TET3: variants seen among roughly 807,000 people sequenced by gnomAD.
TET3 encodes the protein methylcytosine dioxygenase TET3.
In TET3, 19 loss-of-function variants were observed where a neutral mutation model predicts 141.4. The ratio of observed to expected loss-of-function variants is 0.13; its 90% CI spans 0.09 to 0.20. The LOEUF is 0.20. TET3 is among the 10% of genes least tolerant of loss of function. The probability of loss-of-function intolerance (pLI) is 1.00; values close to 1 mark genes in which losing one functional copy is unlikely to be tolerated. For missense variants in TET3, 1,874 were observed against 2,356.9 expected (o/e 0.80, Z 4.24); for synonymous variants, 1,043 against 980.9 (o/e 1.06, Z -1.18).
chr2:73,986,817 C>A, intron 2 of TET3, 111 bp downstream of exon 2: 1 of 1,026,964 alleles, frequency 9.7e-7, no homozygotes, highest in Non-Finnish European at 1.2e-6. Flanking sequence ...CATTTCTGAT[C>A]CTCTTGGTCC....
chr2:74,076,076 A>T (rs3902790), intron 5 of TET3, among the ~76,000 whole-genome samples: 51,011 of 152,016 alleles, frequency 0.34, 9,608 homozygotes, highest in African/African-American at 0.51. Context: ...CAGCTCTCTT[A>T]AACAACTTTT....
At chr2:74,070,524 G>C (rs989417188) in intron 4 of TET3, among the ~76,000 whole-genome samples, 7 of 152,300 alleles carry the variant, frequency 4.6e-5, no homozygotes, top group Admixed American at 2.6e-4. Context: ...TCTGCGCTGT[G>C]CTGCTTTCAC....
chr2:74,045,395 C>T (rs1573774136), intron 3 of TET3, among the ~76,000 whole-genome samples: 1 of 152,216 alleles, frequency 6.6e-6, no homozygotes, highest in East Asian at 1.9e-4. Context: ...TCTGTGTTTT[C>T]TCTTAGCATT....
intron 4 of TET3, among the ~76,000 whole-genome samples, chr2:74,060,002 T>C (rs892059758): frequency 7.9e-5 from 12 of 152,344 alleles, no homozygotes; most frequent in African/African-American, 2.9e-4. Context: ...CTTATACCTG[T>C]CTCTTGGTGC....
chr2:74,076,970 G>C (rs1319063875), intron 5 of TET3, among the ~76,000 whole-genome samples: 1 of 152,172 alleles, frequency 6.6e-6, no homozygotes, highest in East Asian at 1.9e-4. Flanking sequence ...ATACTTTGTG[G>C]GTACCTAGGT....
At chr2:74,018,207 T>TG (rs1685838649) in intron 3 of TET3, among the ~76,000 whole-genome samples, 2 of 152,282 alleles carry the variant, frequency 1.3e-5, no homozygotes, top group South Asian at 4.1e-4. Context: ...CCTCAAGTGA[T>TG]CGGCCTGCCT....
chr2:74,129,339 A>AC, the TET3 span, among the ~76,000 whole-genome samples: 1 of 149,306 alleles, frequency 6.7e-6, no homozygotes, highest in Non-Finnish European at 1.5e-5. Context: ...AAAAAAAAAA[A>AC]AAAAAAAACC....
intron 10 of TET3, among the ~76,000 whole-genome samples, chr2:74,094,433 G>A (rs913638022): frequency 1.3e-5 from 2 of 152,230 alleles, no homozygotes; most frequent in Non-Finnish European, 2.9e-5. Context: ...GGCCAGGGGA[G>A]GGTTGCGGGG....
At chr2:74,001,984 T>C (rs891497742) in intron 2 of TET3, among the ~76,000 whole-genome samples, 1 of 150,796 alleles carries the variant, frequency 6.6e-6, no homozygotes, top group African/African-American at 2.4e-5. Flanking sequence ...TAGAGTGAGG[T>C]GTGGGTGTTT....
chr2:74,043,294 C>T (rs998121340), intron 3 of TET3, among the ~76,000 whole-genome samples: 15 of 152,214 alleles, frequency 9.9e-5, no homozygotes, highest in Admixed American at 8.5e-4. Context: ...AAAGTAGTCT[C>T]CCACTGGGGT....
chr2:74,061,761 G>T (rs551359623), intron 4 of TET3, among the ~76,000 whole-genome samples: 1 of 145,332 alleles, frequency 6.9e-6, no homozygotes, highest in African/African-American at 2.6e-5. Context: ...GGGCAGAGAC[G>T]CTCCTCACCT....
At chr2:74,053,151 G>C (rs1688038376) in intron 4 of TET3, among the ~76,000 whole-genome samples, 1 of 152,176 alleles carries the variant, frequency 6.6e-6, no homozygotes, top group African/African-American at 2.4e-5. Context: ...GATGTTTGCA[G>C]CTTTGAGAAT....
Position 73,986,716 on chromosome 2 carries a change from C to A in TET3, c.303+10C>A, listed in dbSNP as rs1558686985. On this transcript the variant is annotated intron_variant, in intron 2 of 11. Transcript: ENST00000409262. ...AGGGCTTCTCAAGGAGGTAAGCCGG[C>A]CCTTGCTGGGCTACCCTGTTCCTTC... 6 of 1,231,774 alleles carry A rather than the reference C, an allele frequency of 4.9e-6. No homozygotes were observed. Among genetic ancestry groups the A allele is most frequent in the Non-Finnish European group, 5.1e-6 (5 of 987,986 alleles). The allele number at this position is 1,231,774 out of a possible 1,614,324, so 76.3% of individuals were successfully genotyped here.
chr2:74,127,969 A>G, the TET3 span, among the ~76,000 whole-genome samples: 14 of 152,216 alleles, frequency 9.2e-5, no homozygotes, highest in Non-Finnish European at 1.8e-4. Flanking sequence ...TCTAGTCAAA[A>G]TATTGTTTGT....
At chr2:73,984,614 C>G (rs966599817), upstream of TET3, among the ~76,000 whole-genome samples, 3 of 151,956 alleles carry the variant, frequency 2.0e-5, no homozygotes, top group African/African-American at 7.2e-5. The surrounding 1 kb of genome is among the most constrained non-coding windows in gnomAD (Gnocchi z 5.6). Context: ...CCGGCCCCGG[C>G]TGCAGCCCCG....
At chr2:74,036,242 T>TG (rs1356790109) in intron 3 of TET3, among the ~76,000 whole-genome samples, 2 of 152,172 alleles carry the variant, frequency 1.3e-5, no homozygotes, top group Non-Finnish European at 2.9e-5. Flanking sequence ...AGCTAGTAAG[T>TG]GGTGGGGCCA....
chr2:74,004,083 T>A (rs1439697816), intron 3 of TET3, among the ~76,000 whole-genome samples: 1 of 152,090 alleles, frequency 6.6e-6, no homozygotes, highest in Non-Finnish European at 1.5e-5. Flanking sequence ...TGGCTCTGTG[T>A]GGCTGCCTCT....
At chr2:74,054,128 G>A (rs532736805) in intron 4 of TET3, among the ~76,000 whole-genome samples, 136 of 152,248 alleles carry the variant, frequency 8.9e-4, no homozygotes, top group African/African-American at 3.2e-3. Flanking sequence ...AGGTCATGCG[G>A]GTGTGACGGG....
Position 74,093,020 on chromosome 2 carries a change from A to G in TET3, c.3129+29A>G. ...ACGGGCCCTGGGCCTTTTGCTGCCC[A>G]CATGTCACCGTCCACATCTCTGCTC... On this transcript the variant is annotated intron_variant, in intron 9 of 11. Transcript: ENST00000409262. This position sits in a 1 kb window ranked among gnomAD's most constrained non-coding sequence, Gnocchi z 4.2. The G allele has an allele frequency of 6.5e-7, 1 of 1,543,984 alleles. No homozygotes were observed. Among genetic ancestry groups the G allele is most frequent in the Non-Finnish European group, 8.8e-7 (1 of 1,139,380 alleles).
Sources: allele counts gnomAD v4.1 joint callset (sites outside exome capture counted in the v4.1 genomes callset), GRCh38; gene constraint gnomAD v4.1.1; non-coding constraint Gnocchi (gnomAD v3.1); transcripts MANE v1.5; gene names NCBI Gene and HGNC (gene_info 2026-07-23, HGNC 2026-07-21).